The following EPHA3 variants were observed in gnomAD, a reference collection of about 807,000 sequenced individuals.
EPHA3 encodes the protein EPH receptor A3, also known as ephrin type-A receptor 3.
Under a neutral mutation model 107.1 loss-of-function variants are expected in EPHA3, and 42 were observed. The ratio of observed to expected loss-of-function variants is 0.39; its 90% CI spans 0.31 to 0.51. The LOEUF (loss-of-function observed/expected upper bound fraction) is 0.51, where lower values mean the gene tolerates loss of function less well. EPHA3 is among the 20% of genes least tolerant of loss of function. EPHA3 has a pLI of 0.78. For missense variants in EPHA3, 1,183 were observed against 1,211.2 expected (o/e 0.98, Z 0.35); for synonymous variants, 461 against 424.8 (o/e 1.09, Z -1.05).
chr3:89,401,169 T>C (rs1010612279), intron 7 of EPHA3, among the ~76,000 whole-genome samples: 3 of 152,354 alleles, frequency 2.0e-5, no homozygotes, highest in African/African-American at 7.2e-5. Context: ...AGTTTACTCA[T>C]GTTGGAGTAC....
intron 5 of EPHA3, among the ~76,000 whole-genome samples, chr3:89,371,287 AC>A (rs1708294742): frequency 6.6e-6 from 1 of 151,716 alleles, no homozygotes; most frequent in Non-Finnish European, 1.5e-5. Context: ...GCACATTTAA[AC>A]AAAAACATCT....
chr3:89,269,607 C>CT (rs948000264), intron 3 of EPHA3, among the ~76,000 whole-genome samples: 69 of 142,620 alleles, frequency 4.8e-4, no homozygotes, highest in East Asian at 1.4e-3. Flanking sequence ...TTTTTTCTTT[C>CT]TTTTTTTTTT....
intron 3 of EPHA3, among the ~76,000 whole-genome samples, chr3:89,309,502 G>A (rs1460731414): frequency 6.6e-6 from 1 of 152,016 alleles, no homozygotes; most frequent in Non-Finnish European, 1.5e-5. Context: ...AAAGTCATGA[G>A]ATGTTCTATT....
Position 89,303,812 on chromosome 3 carries a change from A to G in EPHA3, c.815-37104A>G, listed in dbSNP as rs1706547536. On this transcript the variant is annotated intron_variant, in intron 3 of 16. Transcript: ENST00000336596. ...GAAAGAAAGCAAGTGACTTTAGTACAGAGAACTTCCTCCATACATACAAAT... is the reference window on the plus strand; with the variant it reads ...GAAAGAAAGCAAGTGACTTTAGTACGGAGAACTTCCTCCATACATACAAAT... Among the ~76,000 whole-genome samples, 4 of 152,160 alleles carry G rather than the reference A, an allele frequency of 2.6e-5. No homozygotes were observed. The South Asian group carries it at 8.3e-4, about 32-fold the overall frequency.
At chr3:89,328,170 G>T (rs1234850314) in intron 3 of EPHA3, among the ~76,000 whole-genome samples, 1 of 152,100 alleles carries the variant, frequency 6.6e-6, no homozygotes, top group East Asian at 1.9e-4. Context: ...ACTTTATTCT[G>T]TCAGACGTTA....
chr3:89,390,380 C>G (rs1708701825), intron 5 of EPHA3, among the ~76,000 whole-genome samples: 1 of 152,128 alleles, frequency 6.6e-6, no homozygotes, highest in Admixed American at 6.5e-5. Context: ...AAACAGATCA[C>G]TTGAGGTCAG....
At chr3:89,318,874 T>C (rs1706974190) in intron 3 of EPHA3, among the ~76,000 whole-genome samples, 1 of 151,942 alleles carries the variant, frequency 6.6e-6, no homozygotes, top group African/African-American at 2.4e-5. Flanking sequence ...TTAAACAATT[T>C]TGTGAAATCA....
intron 5 of EPHA3, among the ~76,000 whole-genome samples, chr3:89,363,913 C>G (rs959458693): frequency 1.3e-5 from 2 of 150,656 alleles, no homozygotes; most frequent in Non-Finnish European, 3.0e-5. Flanking sequence ...AAAGTGTCCC[C>G]TCCCCTATTC....
chr3:89,334,249 A>G (rs1707349724), intron 3 of EPHA3, among the ~76,000 whole-genome samples: 1 of 152,226 alleles, frequency 6.6e-6, no homozygotes, highest in Admixed American at 6.5e-5. Flanking sequence ...CTTTGAATAT[A>G]CACTACTCTG....
intron 5 of EPHA3, among the ~76,000 whole-genome samples, chr3:89,381,970 A>G (rs1708518258): frequency 6.6e-6 from 1 of 152,186 alleles, no homozygotes; most frequent in South Asian, 2.1e-4. Flanking sequence ...AGCAGCCCAA[A>G]TAGATTAAGA....
intron 9 of EPHA3, among the ~76,000 whole-genome samples, chr3:89,412,103 A>G (rs1709166404): frequency 6.6e-6 from 1 of 151,820 alleles, no homozygotes; most frequent in Admixed American, 6.6e-5. Context: ...ATTTTAGATC[A>G]TATTTATATA....
Position 89,413,239 on chromosome 3 carries a change from A to T in EPHA3, c.1861A>T (p.Ile621Leu). Reference protein sequence around the residue: ...EFAKELDATNISIDKVVGAGE... With the variant: ...EFAKELDATNLSIDKVVGAGE... ...TGCCAAGGAATTGGATGCCACCAAC[A>T]TATCCATTGATAAAGTTGTTGGAGC... The change falls in exon 10 of 17, where the codon ATA (isoleucine) becomes TTA (leucine). Residue 621 changes from isoleucine to leucine, a missense_variant. Transcript: ENST00000336596. 1 of 1,611,712 alleles carries T rather than the reference A, an allele frequency of 6.2e-7. No homozygotes were observed. The highest frequency in any genetic ancestry group is 8.5e-7 in the Non-Finnish European group (1 of 1,178,340).
At chr3:89,286,790 A>T (rs1424317994) in intron 3 of EPHA3, among the ~76,000 whole-genome samples, 1 of 152,122 alleles carries the variant, frequency 6.6e-6, no homozygotes, top group Non-Finnish European at 1.5e-5. Context: ...ACATAAACAA[A>T]ACAGAAATAA....
chr3:89,226,367 T>C (rs930748318), intron 3 of EPHA3, among the ~76,000 whole-genome samples: 1 of 152,118 alleles, frequency 6.6e-6, no homozygotes, highest in African/African-American at 2.4e-5. Context: ...TTTATAAGTG[T>C]TAGGTTTATC....
At chr3:89,301,019 T>C (rs1706475255) in intron 3 of EPHA3, among the ~76,000 whole-genome samples, 1 of 152,094 alleles carries the variant, frequency 6.6e-6, no homozygotes, top group South Asian at 2.1e-4. Context: ...TTAAATGCAA[T>C]AGCAACAAAT....
At chr3:89,122,954 A>G (rs184992219) in intron 1 of EPHA3, among the ~76,000 whole-genome samples, 1 of 152,292 alleles carries the variant, frequency 6.6e-6, no homozygotes, top group African/African-American at 2.4e-5. Context: ...GAGTCTCTCC[A>G]TTGTGACAGA....
At chr3:89,390,171 A>T (rs1162001480) in intron 5 of EPHA3, among the ~76,000 whole-genome samples, 1 of 152,034 alleles carries the variant, frequency 6.6e-6, no homozygotes, top group Non-Finnish European at 1.5e-5. Context: ...TTTGAATTTT[A>T]GTAGAGATGG....
chr3:89,133,157 A>T (rs541762381), intron 2 of EPHA3, among the ~76,000 whole-genome samples: 1 of 152,304 alleles, frequency 6.6e-6, no homozygotes, highest in East Asian at 1.9e-4. Context: ...ATCTCAGTCT[A>T]CACTTGAGGT....
At chr3:89,388,473 G>A (rs571426780) in intron 5 of EPHA3, among the ~76,000 whole-genome samples, 3 of 152,272 alleles carry the variant, frequency 2.0e-5, no homozygotes, top group African/African-American at 7.2e-5. Flanking sequence ...AACTTTATGA[G>A]GGAATTATAT....
Sources: gnomAD v4.1 joint callset for allele counts (sites outside exome capture counted in the v4.1 genomes callset) on GRCh38, gnomAD v4.1.1 for gene constraint, MANE v1.5 for transcripts, NCBI Gene and HGNC (gene_info 2026-07-23, HGNC 2026-07-21) for gene names.